WSB2: variants seen among roughly 807,000 people sequenced by gnomAD.
WSB2 encodes WD repeat and SOCS box containing 2.
WSB2 carries 12 observed loss-of-function variants against 48.8 expected under a neutral mutation model. The ratio of observed to expected loss-of-function variants is 0.25; its 90% CI spans 0.16 to 0.40. The LOEUF (loss-of-function observed/expected upper bound fraction) is 0.40. Ranked by LOEUF, WSB2 falls within the 10% of genes least tolerant of loss-of-function variation. The probability of loss-of-function intolerance (pLI) is 1.00; values close to 1 mark genes in which losing one functional copy is unlikely to be tolerated. For missense variants in WSB2, 317 were observed against 506.2 expected, an observed-to-expected ratio of 0.63 and a Z score of 3.59; for synonymous variants, 191 against 203.1, an observed-to-expected ratio of 0.94 and a Z score of 0.51.
intron 2 of WSB2, among the ~76,000 whole-genome samples, chr12:118,045,625 T>C (rs954486774): frequency 6.0e-5 from 9 of 150,000 alleles, no homozygotes; most frequent in Non-Finnish European, 1.0e-4. Context: ...TGTGGGAGGA[T>C]TGCTTGAGCC....
intron 2 of WSB2, among the ~76,000 whole-genome samples, chr12:118,046,235 C>G (rs1360130793): frequency 6.6e-6 from 1 of 151,858 alleles, no homozygotes; most frequent in Admixed American, 6.6e-5. Flanking sequence ...CTGAGGCGGG[C>G]GGATCACTTG....
At position 118,038,502 on chromosome 12, in the gene WSB2, T is replaced by C. The variant is rs1702761815; in HGVS notation, c.560-114A>G. 4.4e-6 allele frequency: 4 copies of C among 899,570 alleles called. No homozygotes were observed. The South Asian group carries it at 6.9e-5, about 16-fold the overall frequency. 55.7% of individuals were successfully genotyped at this position (899,570 alleles called of 1,614,324 possible). A position where few individuals can be genotyped will look rare whatever the true frequency, so the allele number is the denominator to read the frequency against. ...AGCCCAGTATACCCATCAGCTCCTA[T>C]CAGCTGGGCCCAAGGGTCCAATTTT... is the stretch of plus-strand genomic sequence containing the variant. On this transcript the variant is annotated intron_variant, in intron 4 of 8. Transcript: ENST00000315436.
upstream of WSB2, chr12:118,061,238 G>C: frequency 1.0e-6 from 1 of 967,220 alleles, no homozygotes; most frequent in Non-Finnish European, 1.2e-6. Context: ...CAGGGGAAAC[G>C]GAGGGGGGGT....
chr12:118,038,453 A>T, intron 4 of WSB2, 65 bp from the exon 5 acceptor site: 1 of 1,510,754 alleles, frequency 6.6e-7, no homozygotes, highest in Non-Finnish European at 9.1e-7. Context: ...GGAGAACGGG[A>T]GAACTGGGGT....
rs369755766 is a variant in WSB2 at position 118,058,421 on chromosome 12, C to T, written c.13+2615G>A. 7.9e-5 allele frequency among the ~76,000 whole-genome samples: 12 copies of T among 152,184 alleles called. No homozygotes were observed. The East Asian group carries it at 9.7e-4, about 12-fold the overall frequency. ...GGAATGCAGTAGCACCATCACGGCTCACTGCAACCTCGACCTCCCCAGGCT... is the reference window on the plus strand; with the variant it reads ...GGAATGCAGTAGCACCATCACGGCTTACTGCAACCTCGACCTCCCCAGGCT... On this transcript the variant is annotated intron_variant, in intron 1 of 8. Transcript: ENST00000315436.
At chr12:118,034,482 C>G in intron 8 of WSB2, 124 bp from the exon 9 acceptor site, 1 of 1,172,420 alleles carries the variant, frequency 8.5e-7, no homozygotes. Flanking sequence ...AAATGTAACC[C>G]TGACTGTGGA....
At position 118,045,319 on chromosome 12, in the gene WSB2, C is replaced by T. The variant is rs184113269; in HGVS notation, c.183-1942G>A. ...GGCGGAGCTTGCAGTGAGCTGAGATCGCACCACTGCACTCCAGCCTGGGCA... is the reference window on the plus strand; with the variant it reads ...GGCGGAGCTTGCAGTGAGCTGAGATTGCACCACTGCACTCCAGCCTGGGCA... On this transcript the variant is annotated intron_variant, in intron 2 of 8. Transcript: ENST00000315436. Among the ~76,000 whole-genome samples the T allele has an allele frequency of 4.1e-3, 616 of 150,786 alleles. 6 individuals carry two copies. The highest frequency in any genetic ancestry group is 0.017 in the Middle Eastern group (5 of 290).
At chr12:118,057,806 G>A (rs1384714455) in intron 1 of WSB2, among the ~76,000 whole-genome samples, 1 of 150,188 alleles carries the variant, frequency 6.7e-6, no homozygotes, top group Non-Finnish European at 1.5e-5. Context: ...CCAGGCTGGG[G>A]TGCAGTGGCT....
At chr12:118,037,583 G>A (rs975813370) in intron 5 of WSB2, among the ~76,000 whole-genome samples, 7 of 151,234 alleles carry the variant, frequency 4.6e-5, no homozygotes, top group African/African-American at 1.2e-4. Flanking sequence ...CAGGAGAATC[G>A]CTTGAACCCG....
At chr12:118,061,417 G>C (rs572448006), upstream of WSB2, among the ~76,000 whole-genome samples, 25 of 150,504 alleles carry the variant, frequency 1.7e-4, no homozygotes, top group Middle Eastern at 3.4e-3. Context: ...GAGCGGAAAC[G>C]GGGTGGGGCG....
intron 2 of WSB2, among the ~76,000 whole-genome samples, chr12:118,051,545 G>A (rs2031852912): frequency 1.3e-5 from 2 of 152,240 alleles, no homozygotes; most frequent in Non-Finnish European, 2.9e-5. Context: ...TCCATTAATA[G>A]GAAATGTCTA....
chr12:118,038,744 G>A (rs1348300934), intron 4 of WSB2, among the ~76,000 whole-genome samples: 3 of 152,064 alleles, frequency 2.0e-5, no homozygotes, highest in Non-Finnish European at 4.4e-5. Context: ...ACAGTGGCGC[G>A]ATCTCAGCTC....
rs538671798 is a variant in WSB2 at position 118,055,763 on chromosome 12, C to T, written c.14-3285G>A. On this transcript the variant is annotated intron_variant, in intron 1 of 8. Coordinates refer to ENST00000315436, the MANE Select transcript of WSB2 (RefSeq NM_018639.5). ...CCAAGAAGCTGGGATTACAGGCGTG[C>T]ACCACCACACCCAGCTAATTTTTGT... is the stretch of plus-strand genomic sequence containing the variant. Among the ~76,000 whole-genome samples, 161 of 151,758 alleles carry T rather than the reference C, an allele frequency of 1.1e-3. 1 individual carries two copies. Among genetic ancestry groups the T allele is most frequent in the African/African-American group, 3.6e-3 (151 of 41,414 alleles).
At position 118,054,442 on chromosome 12, in the gene WSB2, G is replaced by A. The variant is rs549395718; in HGVS notation, c.14-1964C>T. 1.6e-3 allele frequency among the ~76,000 whole-genome samples: 236 copies of A among 149,592 alleles called. 2 individuals carry two copies. The highest frequency in any genetic ancestry group is 4.9e-3 in the African/African-American group (199 of 40,862). On this transcript the variant is annotated intron_variant, in intron 1 of 8. Transcript: ENST00000315436. Reference sequence around the variant, plus strand: ...TCCCAGCACTTTGTGAGGCCAAGGCGGGCAGATCACCTGAGGTCGGGAGTT... The same window carrying A: ...TCCCAGCACTTTGTGAGGCCAAGGCAGGCAGATCACCTGAGGTCGGGAGTT...
intron 1 of WSB2, among the ~76,000 whole-genome samples, chr12:118,057,890 C>T (rs1051780382): frequency 1.3e-5 from 2 of 149,464 alleles, no homozygotes; most frequent in African/African-American, 2.5e-5. Flanking sequence ...TCCTGTGTAT[C>T]GGGCTACGGG....
At chr12:118,061,333 G>C (rs1593478019), upstream of WSB2, 1 of 385,308 alleles carries the variant, frequency 2.6e-6, no homozygotes, top group Non-Finnish European at 3.5e-6. Context: ...TAAAAGCTGA[G>C]GGGTTGCTCA....
chr12:118,042,379 G>A (rs903454657), intron 4 of WSB2: 1 of 165,154 alleles, frequency 6.1e-6, no homozygotes, highest in African/African-American at 2.4e-5. Flanking sequence ...GCTGCTCAGT[G>A]TCTTAGAATG....
At chr12:118,054,885 G>T (rs935890541) in intron 1 of WSB2, among the ~76,000 whole-genome samples, 2 of 150,968 alleles carry the variant, frequency 1.3e-5, no homozygotes, top group Non-Finnish European at 2.9e-5. Flanking sequence ...TGGGTTTAAT[G>T]TATTAGGTCT....
chr12:118,062,105 C>A, upstream of WSB2: 1 of 1,535,242 alleles, frequency 6.5e-7, no homozygotes, highest in Non-Finnish European at 8.7e-7. Context: ...CTACCTACGG[C>A]GACAGCCTCG....
Sources: allele counts gnomAD v4.1 joint callset (sites outside exome capture counted in the v4.1 genomes callset), GRCh38; gene constraint gnomAD v4.1.1; transcripts MANE v1.5; gene names NCBI Gene and HGNC (gene_info 2026-07-23, HGNC 2026-07-21).